The following ABCD3 variants were observed in gnomAD, a reference collection of about 807,000 sequenced individuals.
The protein encoded by ABCD3 is ATP-binding cassette sub-family D member 3.
Under a neutral mutation model 105.5 loss-of-function variants are expected in ABCD3, and 41 were observed. The ratio of observed to expected loss-of-function variants is 0.39; its 90% confidence interval spans 0.30 to 0.50. The LOEUF (loss-of-function observed/expected upper bound fraction) is 0.50. Ranked by LOEUF, ABCD3 falls within the 20% of genes least tolerant of loss-of-function variation. ABCD3 has a pLI of 0.84. For synonymous variants in ABCD3, 258 were observed against 269.0 expected (o/e 0.96, Z 0.40); for missense variants, 622 against 806.3 (o/e 0.77, Z 2.77).
At chr1:94,493,782 A>G (rs1044774121) in intron 16 of ABCD3, among the ~76,000 whole-genome samples, 21 of 152,310 alleles carry the variant, frequency 1.4e-4, no homozygotes, top group Middle Eastern at 3.4e-3. Flanking sequence ...TGATGAGTTC[A>G]TGTCCTTTGT....
At chr1:94,424,303 T>C (rs919436594) in intron 1 of ABCD3, among the ~76,000 whole-genome samples, 9 of 152,194 alleles carry the variant, frequency 5.9e-5, no homozygotes, top group Non-Finnish European at 1.3e-4. Flanking sequence ...TTGCTCTTGC[T>C]GTTTCCCCTG....
Position 94,489,936 on chromosome 1 carries a change from C to G in ABCD3, c.1283C>G (p.Pro428Arg). 6.2e-7 allele frequency: 1 copy of G among 1,613,138 alleles called. No homozygotes were observed. Among genetic ancestry groups the G allele is most frequent in the South Asian group, 1.1e-5 (1 of 91,058 alleles). ...IEGVQVIPLI[P>R]GAGEIIIADN... ...GGAGTACAAGTCATTCCCTTGATAC[C>G]TGGTGCTGGAGAAATCATTATTGCA... Residue 428 changes from proline (P) to arginine (R), a missense_variant, in exon 15 of 23, where the codon CCT becomes CGT. Physicochemically the swap from Pro to Arg is moderately radical, Grantham distance 103. Transcript: ENST00000370214.
chr1:94,454,056 A>T (rs543130878), intron 1 of ABCD3, among the ~76,000 whole-genome samples: 1 of 151,862 alleles, frequency 6.6e-6, no homozygotes, highest in Non-Finnish European at 1.5e-5. Context: ...ATGGGCATGC[A>T]TATGTGTATG....
At chr1:94,481,299 A>G (rs1288040627) in intron 9 of ABCD3, among the ~76,000 whole-genome samples, 1 of 152,204 alleles carries the variant, frequency 6.6e-6, no homozygotes, top group African/African-American at 2.4e-5. Flanking sequence ...GGGTTCTAAT[A>G]TGTATTTAAT....
At position 94,478,347 on chromosome 1, in the gene ABCD3, GATATA is replaced by G. The variant is rs774327817; in HGVS notation, c.684+42_684+46del. ...CTGCTTTTATTTCAACTTTTAAATT[GATATA>G]ATATAATATTTGAAATACATATTGT... is the stretch of plus-strand genomic sequence containing the variant. On this transcript the variant is annotated intron_variant, in intron 8 of 22. Transcript: ENST00000370214. 53 of 1,507,008 alleles carry G rather than the reference GATATA, an allele frequency of 3.5e-5. 1 individual carries two copies. The highest frequency in any genetic ancestry group is 2.6e-4 in the South Asian group (23 of 86,896). 93.4% of individuals were successfully genotyped at this position (1,507,008 alleles called of 1,614,324 possible).
intron 8 of ABCD3, among the ~76,000 whole-genome samples, chr1:94,479,988 A>G (rs1648960893): frequency 6.6e-6 from 1 of 152,062 alleles, no homozygotes; most frequent in Admixed American, 6.6e-5. Context: ...ATTAAGGTAA[A>G]GATGTGTAGT....
At chr1:94,465,265 G>T (rs1437626321) in intron 3 of ABCD3, among the ~76,000 whole-genome samples, 1 of 152,102 alleles carries the variant, frequency 6.6e-6, no homozygotes, top group African/African-American at 2.4e-5. Context: ...ATGAGATTTG[G>T]GTGGAGACAG....
intron 8 of ABCD3, among the ~76,000 whole-genome samples, chr1:94,479,658 G>A (rs964628254): frequency 3.3e-5 from 5 of 152,096 alleles, no homozygotes; most frequent in Non-Finnish European, 7.4e-5. Context: ...CTACTTTGGG[G>A]AGGTAAGTAA....
At chr1:94,448,072 A>G (rs1278835586) in intron 1 of ABCD3, among the ~76,000 whole-genome samples, 1 of 152,210 alleles carries the variant, frequency 6.6e-6, no homozygotes, top group Non-Finnish European at 1.5e-5. Context: ...TAGATTTGCC[A>G]GTTTTTCCAA....
upstream of ABCD3, among the ~76,000 whole-genome samples, chr1:94,416,267 T>C (rs1001916345): frequency 1.3e-5 from 2 of 152,200 alleles, no homozygotes; most frequent in South Asian, 4.1e-4. Flanking sequence ...ACTCCTGCGG[T>C]CCTTTAGAAT....
At chr1:94,504,149 G>A (rs1650240455) in intron 20 of ABCD3, among the ~76,000 whole-genome samples, 1 of 151,942 alleles carries the variant, frequency 6.6e-6, no homozygotes, top group Non-Finnish European at 1.5e-5. Context: ...CTAACCTTGT[G>A]ATCTGCCTGC....
chr1:94,434,172 T>G (rs534388523), intron 1 of ABCD3, among the ~76,000 whole-genome samples: 53 of 152,146 alleles, frequency 3.5e-4, no homozygotes, highest in African/African-American at 1.3e-3. Context: ...ACATGAAATT[T>G]ATTTAAAAAA....
intron 1 of ABCD3, among the ~76,000 whole-genome samples, chr1:94,420,165 AG>A (rs1323382132): frequency 6.6e-6 from 1 of 152,166 alleles, no homozygotes; most frequent in African/African-American, 2.4e-5. Context: ...GTACACATAG[AG>A]CTTGAAGAAT....
At chr1:94,514,708 T>A (rs2101072789) in intron 21 of ABCD3, 1 of 163,030 alleles carries the variant, frequency 6.1e-6, no homozygotes, top group Middle Eastern at 3.2e-3. Context: ...ATTTTCAAAA[T>A]CTGAATTCCA....
At chr1:94,468,086 C>A in intron 4 of ABCD3, 79 bp downstream of exon 4, 1 of 1,008,800 alleles carries the variant, frequency 9.9e-7, no homozygotes, top group Non-Finnish European at 1.6e-6. Flanking sequence ...TTATAAGCAA[C>A]AAATAGATTC....
the ABCD3 span, chr1:94,406,335 G>GTTT: frequency 5.6e-3 from 996 of 179,066 alleles, 34 homozygotes; most frequent in African/African-American, 0.021. Context: ...ATAGTATTTT[G>GTTT]TTTTGTTTTT....
chr1:94,429,654 C>T lies in ABCD3; in HGVS notation c.110+11066C>T, dbSNP rs904227508. Reference sequence around the variant, plus strand: ...TGGCAGCTTCTATGTGGTGTTGAGCCTGCGAGTGCACAGAAGTCAAGAATT... The same window carrying T: ...TGGCAGCTTCTATGTGGTGTTGAGCTTGCGAGTGCACAGAAGTCAAGAATT... On this transcript the variant is annotated intron_variant, in intron 1 of 22. Coordinates refer to ENST00000370214, the MANE Select transcript of ABCD3 (RefSeq NM_002858.4). 4.6e-5 allele frequency among the ~76,000 whole-genome samples: 7 copies of T among 152,336 alleles called. No homozygotes were observed. In the East Asian group the frequency reaches 1.3e-3, roughly 29 times the overall value.
intron 15 of ABCD3, 106 bp downstream of exon 15, chr1:94,490,081 T>C (rs1375567387): frequency 3.5e-6 from 4 of 1,131,168 alleles, no homozygotes; most frequent in African/African-American, 1.6e-5. Context: ...TATTTCTGCT[T>C]TTTTAAAAAA....
chr1:94,408,965 G>C, the ABCD3 span, among the ~76,000 whole-genome samples: 1 of 151,710 alleles, frequency 6.6e-6, no homozygotes, highest in Non-Finnish European at 1.5e-5. Flanking sequence ...ACACTCCTAT[G>C]CGCTTTCTTT....
Sources: allele counts gnomAD v4.1 joint callset (sites outside exome capture counted in the v4.1 genomes callset), GRCh38; gene constraint gnomAD v4.1.1; transcripts MANE v1.5; gene names NCBI Gene and HGNC (gene_info 2026-07-23, HGNC 2026-07-21).